Variants in NRDC observed in about 807,000 individuals in gnomAD.
The protein encoded by NRDC is nardilysin.
A neutral mutation model predicts 147.1 loss-of-function variants in NRDC; 54 were observed. The observed-to-expected ratio is 0.37, with a 90% CI of 0.29 to 0.46. The LOEUF (loss-of-function observed/expected upper bound fraction) is 0.46, where lower values mean the gene tolerates loss of function less well. Ranked by LOEUF, NRDC falls within the 20% of genes least tolerant of loss-of-function variation. The probability of loss-of-function intolerance (pLI) is 1.00; values close to 1 mark genes in which losing one functional copy is unlikely to be tolerated. For synonymous variants in NRDC, 440 were observed against 482.1 expected (o/e 0.91, Z 1.14); for missense variants, 1,082 against 1,370.6 (o/e 0.79, Z 3.33).
intron 1 of NRDC, among the ~76,000 whole-genome samples, chr1:51,851,868 T>C (rs1360491249): frequency 6.6e-6 from 1 of 152,138 alleles, no homozygotes; most frequent in African/African-American, 2.4e-5. Flanking sequence ...GGAACAGCAG[T>C]GGTAAAGCAC....
chr1:51,828,967 A>G (rs1055602295), intron 4 of NRDC, among the ~76,000 whole-genome samples: 2 of 152,198 alleles, frequency 1.3e-5, no homozygotes, highest in African/African-American at 2.4e-5. Context: ...GCTTGCAATA[A>G]GGTAACTTTT....
At chr1:51,792,197 C>T in intron 25 of NRDC, 99 bp from the exon 26 acceptor site, 2 of 1,497,940 alleles carry the variant, frequency 1.3e-6, no homozygotes, top group Admixed American at 3.4e-5. Flanking sequence ...AGTCCAGCCT[C>T]CCTTAGTGCC....
In NRDC at chr1:51,792,372, C is replaced by G; in HGVS notation, c.2823+5G>C. ...AAAACCTCAGCATCTCCTTTATGCA[C>G]TTACCACAAGCAGCTCCATAAGCGT... is the stretch of plus-strand genomic sequence containing the variant. On this transcript the variant is annotated splice_donor_5th_base_variant and intron_variant, in intron 25 of 30. Transcript: ENST00000352171. 6.2e-7 allele frequency: 1 copy of G among 1,614,072 alleles called. No homozygotes were observed.
chr1:51,859,566 C>T (rs918072367), intron 1 of NRDC, among the ~76,000 whole-genome samples: 8 of 152,158 alleles, frequency 5.3e-5, no homozygotes, highest in African/African-American at 1.9e-4. Flanking sequence ...AATGTCTTCC[C>T]ATTTCTGTCT....
chr1:51,821,543 G>A lies in NRDC; in HGVS notation c.1172C>T (p.Thr391Ile). The change falls in exon 8 of 31, where the codon ACT (threonine) becomes ATT (isoleucine). Residue 391 changes from threonine to isoleucine, a missense_variant. By Grantham distance (89) the Thr-to-Ile change is moderately conservative. Around this residue, in one of 3 missense-constraint regions of NRDC, gnomAD observed 635 missense variants for 923.8 expected, o/e 0.69. Coordinates refer to ENST00000352171, the MANE Select transcript of NRDC (RefSeq NM_001101662.2). ...GATTTCAGTCACCCACTTTTCCAAAGTATCCAGTGTTTCTTGAGAGGGGAG... is the reference window on the plus strand; with the variant it reads ...GATTTCAGTCACCCACTTTTCCAAAATATCCAGTGTTTCTTGAGAGGGGAG... The part of the protein sequence containing the change: ...LVVQSKETLD[T>I]LEKWVTEIFS... 1.2e-6 allele frequency: 2 copies of A among 1,608,146 alleles called. No individual in the cohort carries two copies. Among genetic ancestry groups the A allele is most frequent in the South Asian group, 1.1e-5 (1 of 90,942 alleles).
At chr1:51,799,526 GT>G in intron 21 of NRDC, among the ~76,000 whole-genome samples, 1 of 152,120 alleles carries the variant, frequency 6.6e-6, no homozygotes, top group Admixed American at 6.5e-5. Flanking sequence ...CATTACAGCT[GT>G]GTCAAAAGCA....
chr1:51,808,200 T>C (rs189081371), intron 17 of NRDC, among the ~76,000 whole-genome samples: 10 of 152,310 alleles, frequency 6.6e-5, no homozygotes, highest in Admixed American at 2.0e-4. Flanking sequence ...GAAGCATTAA[T>C]ACATTCACGA....
chr1:51,819,816 A>T lies in NRDC; in HGVS notation c.1275T>A (p.Phe425Leu). The T allele has an allele frequency of 6.2e-7, 1 of 1,606,324 alleles. No individual in the cohort carries two copies. The highest frequency in any genetic ancestry group is 8.5e-7 in the Non-Finnish European group (1 of 1,175,880). ...HLTDPFDTPA[F>L]NKLYRVVPIR... ...TTCACAAACCTCTATAAAGTTTGTTAAATGCTGGTGTGTCAAATGGATCCG... is the reference window on the plus strand; with the variant it reads ...TTCACAAACCTCTATAAAGTTTGTTTAATGCTGGTGTGTCAAATGGATCCG... Residue 425 changes from phenylalanine to leucine, a missense_variant, in exon 9 of 31, where the codon TTT (phenylalanine) becomes TTA (leucine). Coordinates refer to ENST00000352171, the MANE Select transcript of NRDC (RefSeq NM_001101662.2).
chr1:51,878,113 G>T, intron 1 of NRDC, 162 bp downstream of exon 1: 1 of 1,424,018 alleles, frequency 7.0e-7, no homozygotes, highest in South Asian at 1.5e-5. Context: ...GACACCACAG[G>T]GAAGCCTCTA....
At chr1:51,864,667 T>A (rs181312896) in intron 1 of NRDC, among the ~76,000 whole-genome samples, 4 of 152,100 alleles carry the variant, frequency 2.6e-5, no homozygotes, top group Admixed American at 2.6e-4. Context: ...AAAATTAGAT[T>A]TTTGCCAGGC....
At chr1:51,822,576 T>C (rs1680258532) in intron 7 of NRDC, among the ~76,000 whole-genome samples, 1 of 152,192 alleles carries the variant, frequency 6.6e-6, no homozygotes, top group African/African-American at 2.4e-5. Context: ...TGTTTTAAAA[T>C]TTTGAAATAA....
At chr1:51,861,556 G>A (rs1207571906) in intron 1 of NRDC, among the ~76,000 whole-genome samples, 1 of 151,618 alleles carries the variant, frequency 6.6e-6, no homozygotes, top group Non-Finnish European at 1.5e-5. Flanking sequence ...ATGTTGCCCA[G>A]GCTGGTCCTG....
At position 51,878,295 on chromosome 1, in the gene NRDC, G is replaced by A; in HGVS notation, c.321C>T (p.Pro107=). The A allele has an allele frequency of 6.2e-7, 1 of 1,613,320 alleles. No homozygotes were observed. The change falls in exon 1 of 31, where the codon CCC becomes CCT. Residue 107 remains proline (P), a synonymous_variant. Coordinates refer to ENST00000352171, the MANE Select transcript of NRDC (RefSeq NM_001101662.2). ...CTCACCGGTATTGCTTGGGGTCGCTGGGAGACTTGACGATCTCAGGGTCCC... is the reference window on the plus strand; with the variant it reads ...CTCACCGGTATTGCTTGGGGTCGCTAGGAGACTTGACGATCTCAGGGTCCC... The part of the protein sequence containing the change: ...NAGDPEIVKS[P]SDPKQYRYIK...
chr1:51,799,637 C>T (rs530340807), intron 21 of NRDC, among the ~76,000 whole-genome samples: 1 of 152,154 alleles, frequency 6.6e-6, no homozygotes, highest in Non-Finnish European at 1.5e-5. Flanking sequence ...GTTCAGAGGA[C>T]TTTTCTCTCC....
intron 1 of NRDC, among the ~76,000 whole-genome samples, 174 bp from the exon 2 acceptor site, chr1:51,840,688 G>A (rs1681226851): frequency 6.6e-6 from 1 of 152,094 alleles, no homozygotes. Flanking sequence ...AACCCCAAAA[G>A]CTAATCAGTT....
At chr1:51,874,016 C>T (rs1374599981) in intron 1 of NRDC, among the ~76,000 whole-genome samples, 1 of 147,814 alleles carries the variant, frequency 6.8e-6, no homozygotes, top group Non-Finnish European at 1.5e-5. Flanking sequence ...TGGTGAGACA[C>T]CTGCCCCCAC....
Position 51,840,523 on chromosome 1 carries a change from AG to A in NRDC, c.342-10del. 6.4e-7 allele frequency: 1 copy of A among 1,555,150 alleles called. No homozygotes were observed. The highest frequency in any genetic ancestry group is 8.7e-7 in the Non-Finnish European group (1 of 1,152,300). ...TCTGTAATTTGATGTATCTGGGGGG[AG>A]AAAAAAAAAATCACACATTTTGATT... On this transcript the variant is annotated splice_polypyrimidine_tract_variant and intron_variant, in intron 1 of 30. Transcript: ENST00000352171.
chr1:51,831,164 G>A (rs959151064), intron 4 of NRDC, among the ~76,000 whole-genome samples: 1 of 152,078 alleles, frequency 6.6e-6, no homozygotes, highest in African/African-American at 2.4e-5. Context: ...AGCAGTCCTT[G>A]TACAAAACAT....
chr1:51,795,295 T>G (rs1678846191), intron 22 of NRDC: 2 of 1,029,206 alleles, frequency 1.9e-6, no homozygotes, highest in Admixed American at 2.5e-5. Context: ...ATCTATAAAA[T>G]AAGGGATAAA....
Sources: allele counts gnomAD v4.1 joint callset (sites outside exome capture counted in the v4.1 genomes callset), GRCh38; gene constraint gnomAD v4.1.1; regional missense constraint gnomAD v4.1.1; transcripts MANE v1.5; gene names NCBI Gene and HGNC (gene_info 2026-07-23, HGNC 2026-07-21).